Variants in PATJ observed in about 807,000 individuals in gnomAD.
The protein encoded by PATJ is inaD-like protein.
PATJ carries 190 observed loss-of-function variants against 224.9 expected under a neutral mutation model. That is an observed-to-expected ratio of 0.84 (90% confidence interval 0.75 to 0.95). The LOEUF is 0.95. Ranked by LOEUF, PATJ falls within the 40% of genes least tolerant of loss-of-function variation. The pLI is 0.00. For synonymous variants in PATJ, 769 were observed against 820.3 expected, an observed-to-expected ratio of 0.94 and a Z score of 1.07; for missense variants, 2,121 against 2,270.3, an observed-to-expected ratio of 0.93 and a Z score of 1.34.
chr1:61,777,703 C>CTTTCTTTTTTTTTTT (rs1415203243), intron 7 of PATJ, among the ~76,000 whole-genome samples: 2 of 48,748 alleles, frequency 4.1e-5, no homozygotes, highest in African/African-American at 2.1e-4. Flanking sequence ...TTCTTTCTTT[C>CTTTCTTTTTTTTTTT]TTTTTTTTTT....
chr1:61,861,505 C>A (rs775827620), intron 18 of PATJ, 46 bp from the exon 19 acceptor site: 1 of 901,326 alleles, frequency 1.1e-6, no homozygotes, highest in East Asian at 2.6e-5. Flanking sequence ...GCTCCCCACC[C>A]CACAATATTT....
At chr1:61,817,615 C>T (rs1415472988) in intron 14 of PATJ, among the ~76,000 whole-genome samples, 6 of 152,218 alleles carry the variant, frequency 3.9e-5, no homozygotes, top group South Asian at 2.1e-4. Flanking sequence ...GAGCCGAGAT[C>T]GCACCATTGC....
Position 62,123,076 on chromosome 1 carries a change from CTGTA to C in PATJ, c.5043+24_5043+27del. 2.5e-6 allele frequency: 4 copies of C among 1,575,328 alleles called. No homozygotes were observed. Among genetic ancestry groups the C allele is most frequent in the Non-Finnish European group, 3.5e-6 (4 of 1,151,394 alleles). On this transcript the variant is annotated intron_variant, in intron 39 of 43. Coordinates refer to ENST00000642238, the MANE Select transcript of PATJ (RefSeq NM_001350145.3). The stretch of plus-strand genomic sequence containing the variant: ...TAAACAGGGTAAGTCAGTCATTTTG[CTGTA>C]TGTATTTTTCTGGTTTGTGTTGGAT...
At chr1:62,073,907 A>G (rs61777669) in intron 31 of PATJ, among the ~76,000 whole-genome samples, 4,434 of 152,254 alleles carry the variant, frequency 0.029, 85 homozygotes, top group Middle Eastern at 0.065. Context: ...AAATAACTTC[A>G]GTGTTCCTTA....
At chr1:62,092,821 G>A (rs754450851) in intron 33 of PATJ, among the ~76,000 whole-genome samples, 2 of 150,744 alleles carry the variant, frequency 1.3e-5, no homozygotes, top group South Asian at 2.1e-4. Flanking sequence ...GGCTCACTAC[G>A]GCCTCCGCCT....
Position 61,801,781 on chromosome 1 carries a change from G to A in PATJ, c.1549+12G>A. 2 of 1,523,682 alleles carry A rather than the reference G, an allele frequency of 1.3e-6. No individual in the cohort carries two copies. The highest frequency in any genetic ancestry group is 1.8e-6 in the Non-Finnish European group (2 of 1,129,776). The allele number at this position is 1,523,682 out of a possible 1,614,324, so 94.4% of individuals were successfully genotyped here. A position where few individuals can be genotyped will look rare whatever the true frequency, so the allele number is the denominator to read the frequency against. ...CTTAGAAAAATTGGGTAGGCACAAA[G>A]CATTCACTTTGCGATAACAGACTTC... On this transcript the variant is annotated intron_variant, in intron 12 of 43. Transcript: ENST00000642238.
chr1:61,884,457 T>A, intron 22 of PATJ, 49 bp downstream of exon 22: 1 of 310,620 alleles, frequency 3.2e-6, no homozygotes, highest in Non-Finnish European at 4.2e-6. Flanking sequence ...AGTGGTTTTT[T>A]TTTTTTTTTT....
At chr1:62,138,828 T>C (rs2148989129) in intron 41 of PATJ, among the ~76,000 whole-genome samples, 1 of 152,336 alleles carries the variant, frequency 6.6e-6, no homozygotes, top group African/African-American at 2.4e-5. Context: ...ACTACAGCTC[T>C]GAAGCACATT....
At position 62,116,522 on chromosome 1, in the gene PATJ, G is replaced by C; in HGVS notation, c.4656-10G>C. The C allele has an allele frequency of 6.2e-7, 1 of 1,613,744 alleles. No homozygotes were observed. Among genetic ancestry groups the C allele is most frequent in the Non-Finnish European group, 8.5e-7 (1 of 1,179,860 alleles). On this transcript the variant is annotated splice_polypyrimidine_tract_variant and intron_variant, in intron 35 of 43. Coordinates refer to ENST00000642238, the MANE Select transcript of PATJ (RefSeq NM_001350145.3). Reference sequence around the variant, plus strand: ...TGTGCCAATACTGCACTGCTGTATGGTATTAACAGAAATGGAAGCGGAGTG... The same window carrying C: ...TGTGCCAATACTGCACTGCTGTATGCTATTAACAGAAATGGAAGCGGAGTG...
intron 22 of PATJ, among the ~76,000 whole-genome samples, chr1:61,890,269 A>C (rs1311272475): frequency 6.6e-6 from 1 of 152,168 alleles, no homozygotes; most frequent in Admixed American, 6.5e-5. Context: ...GCTTGAGGCC[A>C]GGAGTTCAAG....
rs187904668 is a variant in PATJ, at chr1:61,945,286, T to C, written c.3670+17457T>C. ...AATTAAAAGACACAGACTAGCAAAT[T>C]GGATAAAGAGTCAAGACCCATCAGT... On this transcript the variant is annotated intron_variant, in intron 27 of 43. Transcript: ENST00000642238. Among the ~76,000 whole-genome samples, 710 of 152,174 alleles carry C rather than the reference T, an allele frequency of 4.7e-3. 4 individuals carry two copies. Among genetic ancestry groups the C allele is most frequent in the African/African-American group, 0.016 (682 of 41,522 alleles).
At chr1:61,807,027 C>G (rs1653714873) in intron 13 of PATJ, among the ~76,000 whole-genome samples, 1 of 151,972 alleles carries the variant, frequency 6.6e-6, no homozygotes, top group South Asian at 2.1e-4. Context: ...TAGTGGGCAC[C>G]TGTAATCCCA....
At chr1:61,760,232 G>T (rs1645887982) in intron 1 of PATJ, among the ~76,000 whole-genome samples, 1 of 152,242 alleles carries the variant, frequency 6.6e-6, no homozygotes. Context: ...TATTCCCATT[G>T]AATCCAGTGA....
chr1:61,794,753 C>T (rs183261210), intron 9 of PATJ, among the ~76,000 whole-genome samples: 4 of 151,834 alleles, frequency 2.6e-5, no homozygotes, highest in Non-Finnish European at 5.9e-5. Context: ...TTTGGGAGGC[C>T]GAGGTGGGCG....
At chr1:61,899,515 C>A (rs1670827083) in intron 22 of PATJ, 68 bp from the exon 23 acceptor site, 5 of 1,046,340 alleles carry the variant, frequency 4.8e-6, no homozygotes, top group South Asian at 3.6e-5. Flanking sequence ...ATTTCAAAAC[C>A]TTCCAAGGAC....
intron 20 of PATJ, among the ~76,000 whole-genome samples, chr1:61,874,033 C>T (rs915196828): frequency 1.3e-5 from 2 of 152,098 alleles, no homozygotes; most frequent in African/African-American, 4.8e-5. Flanking sequence ...TCTTCCTGAT[C>T]ATGAGACAAG....
At chr1:61,911,717 A>ATATATATC (rs1029021625) in intron 25 of PATJ, among the ~76,000 whole-genome samples, 1 of 145,398 alleles carries the variant, frequency 6.9e-6, no homozygotes, top group African/African-American at 2.5e-5. Flanking sequence ...ATATATATAT[A>ATATATATC]TCATATATAT....
chr1:62,002,414 A>C (rs1305399704), intron 28 of PATJ, among the ~76,000 whole-genome samples: 1 of 152,158 alleles, frequency 6.6e-6, no homozygotes, highest in Non-Finnish European at 1.5e-5. Context: ...GTTTAAAAGA[A>C]AGAAAAAGAG....
At chr1:61,916,962 A>T (rs1420616309) in intron 26 of PATJ, among the ~76,000 whole-genome samples, 2 of 152,214 alleles carry the variant, frequency 1.3e-5, no homozygotes, top group Non-Finnish European at 2.9e-5. Context: ...CTGATCCATC[A>T]GAATACAGAG....
Sources: allele counts gnomAD v4.1 joint callset (sites outside exome capture counted in the v4.1 genomes callset), GRCh38; gene constraint gnomAD v4.1.1; transcripts MANE v1.5; gene names NCBI Gene and HGNC (gene_info 2026-07-23, HGNC 2026-07-21).